The following MRPS22 variants were observed in gnomAD, a reference collection of about 807,000 sequenced individuals.
MRPS22 encodes mitochondrial ribosomal protein S22.
In MRPS22, 30 loss-of-function variants were observed where a neutral mutation model predicts 44.0. That is an observed-to-expected ratio of 0.68 (90% CI 0.51 to 0.93). The LOEUF (loss-of-function observed/expected upper bound fraction) is 0.93. Among genes scored for constraint, MRPS22 ranks in the 40% least tolerant of loss-of-function variants. The pLI is 0.00. For missense variants in MRPS22, 447 were observed against 447.8 expected (o/e 1.00, Z 0.02); for synonymous variants, 165 against 154.4 (o/e 1.07, Z -0.51).
chr3:139,346,817 T>C, intron 1 of MRPS22, 61 bp from the exon 2 acceptor site: 1 of 1,573,106 alleles, frequency 6.4e-7, no homozygotes, highest in Non-Finnish European at 8.7e-7. Flanking sequence ...GACTTTTCTA[T>C]TTAGAGGTCT....
intron 7 of MRPS22, among the ~76,000 whole-genome samples, 171 bp from the exon 8 acceptor site, chr3:139,356,748 A>C (rs893073230): frequency 2.7e-5 from 4 of 150,926 alleles, no homozygotes; most frequent in African/African-American, 9.7e-5. Context: ...TTTTCTGTCC[A>C]TGTGTGTTTA....
chr3:139,349,755 A>C (rs981150486), intron 3 of MRPS22, among the ~76,000 whole-genome samples: 1 of 152,210 alleles, frequency 6.6e-6, no homozygotes, highest in African/African-American at 2.4e-5. Context: ...AAGACTCCTC[A>C]TTCTTGGGTT....
intron 3 of MRPS22, chr3:139,349,145 A>G (rs1298641515): frequency 8.9e-6 from 3 of 335,906 alleles, no homozygotes; most frequent in Admixed American, 4.3e-5. Flanking sequence ...TTCAATTTTA[A>G]TTACAGTTTT....
chr3:139,354,386 T>C (rs1429424946), intron 6 of MRPS22, among the ~76,000 whole-genome samples: 2 of 152,232 alleles, frequency 1.3e-5, no homozygotes, highest in African/African-American at 2.4e-5. Context: ...GCCCTGAACA[T>C]ACCAACAGGT....
chr3:139,344,849 G>A (rs1010579779), intron 1 of MRPS22: 1 of 554,202 alleles, frequency 1.8e-6, no homozygotes. Flanking sequence ...TTAATTAATT[G>A]TTGGAACCGT....
At chr3:139,344,468 T>C in intron 1 of MRPS22, 1 of 612,198 alleles carries the variant, frequency 1.6e-6, no homozygotes, top group Non-Finnish European at 2.9e-6. Flanking sequence ...GACACAGACA[T>C]TTCCCTGTGG....
At chr3:139,356,669 A>G (rs1457906118) in intron 7 of MRPS22, among the ~76,000 whole-genome samples, 1 of 152,192 alleles carries the variant, frequency 6.6e-6, no homozygotes, top group Non-Finnish European at 1.5e-5. Context: ...TATTAATACA[A>G]TGTCAGGGTC....
chr3:139,351,107 AG>A (rs1941143523), intron 5 of MRPS22, 47 bp downstream of exon 5: 1 of 1,412,840 alleles, frequency 7.1e-7, no homozygotes, highest in African/African-American at 1.4e-5. Context: ...TATGGTTATG[AG>A]TAAGATTTTT....
intron 3 of MRPS22, chr3:139,348,569 A>T (rs1440192627): frequency 1.0e-5 from 5 of 499,134 alleles, no homozygotes; most frequent in Non-Finnish European, 1.8e-5. Context: ...GTGCTGAGGC[A>T]GAACAAGGAG....
rs1053387741 is a variant in MRPS22, at chr3:139,356,897, A to G, written c.988-22A>G. The G allele has an allele frequency of 3.2e-6, 5 of 1,567,786 alleles. No individual in the cohort carries two copies. In the African/African-American group the frequency reaches 6.8e-5, roughly 21 times the overall value. On this transcript the variant is annotated intron_variant, in intron 7 of 7. Coordinates refer to ENST00000680020, the MANE Select transcript of MRPS22 (RefSeq NM_020191.4). ...ATAGCATATGTCCTATTGTTTTAAA[A>G]TTTTCTTTTTAATTTAAACAGGTCT...
At chr3:139,344,734 C>G in intron 1 of MRPS22, 1 of 696,260 alleles carries the variant, frequency 1.4e-6, no homozygotes, top group Non-Finnish European at 2.6e-6. Context: ...ATTGATAAGG[C>G]TTGATTAAGG....
At chr3:139,350,013 T>C (rs983255192) in intron 3 of MRPS22, among the ~76,000 whole-genome samples, 166 bp from the exon 4 acceptor site, 1 of 152,242 alleles carries the variant, frequency 6.6e-6, no homozygotes, top group Non-Finnish European at 1.5e-5. Context: ...GAAGGAAATA[T>C]CAAACCTTGC....
At chr3:139,345,285 C>G (rs538355344) in intron 1 of MRPS22, among the ~76,000 whole-genome samples, 2 of 152,204 alleles carry the variant, frequency 1.3e-5, no homozygotes, top group East Asian at 1.9e-4. Flanking sequence ...TCTGGTTGCT[C>G]TGTGGAGAAT....
At chr3:139,356,290 A>C (rs1941260043) in intron 7 of MRPS22, among the ~76,000 whole-genome samples, 1 of 152,170 alleles carries the variant, frequency 6.6e-6, no homozygotes, top group East Asian at 1.9e-4. Context: ...ACCTCTCAAA[A>C]CCATGGGCTT....
rs902901912 is a variant in MRPS22 at position 139,353,713 on chromosome 3, A to G, written c.878+921A>G. ...TCCTAATGATGATGATTTCCAGGCT[A>G]GCCCATTTCACCAGCATATGTAGTG... On this transcript the variant is annotated intron_variant, in intron 6 of 7. Coordinates refer to ENST00000680020, the MANE Select transcript of MRPS22 (RefSeq NM_020191.4). Among the ~76,000 whole-genome samples the G allele has an allele frequency of 3.3e-5, 5 of 152,230 alleles. 1 individual carries two copies. Among genetic ancestry groups the G allele is most frequent in the Admixed American group, 1.3e-4 (2 of 15,290 alleles).
At chr3:139,349,716 A>C (rs1941110684) in intron 3 of MRPS22, among the ~76,000 whole-genome samples, 1 of 152,206 alleles carries the variant, frequency 6.6e-6, no homozygotes, top group African/African-American at 2.4e-5. Flanking sequence ...GTCTAATGCC[A>C]ATATAAGAAA....
chr3:139,346,330 C>T lies in MRPS22; in HGVS notation c.173-548C>T, dbSNP rs545157760. Among the ~76,000 whole-genome samples the T allele has an allele frequency of 8.2e-4, 125 of 152,314 alleles. 1 individual carries two copies. Among genetic ancestry groups the T allele is most frequent in the Admixed American group, 3.6e-3 (55 of 15,304 alleles). On this transcript the variant is annotated intron_variant, in intron 1 of 7. Coordinates refer to ENST00000680020, the MANE Select transcript of MRPS22 (RefSeq NM_020191.4). ...CAATCACCCAAGCCCCGTACCTCTCCTGTATACCATACCTCTCACATTATG... is the reference window on the plus strand; with the variant it reads ...CAATCACCCAAGCCCCGTACCTCTCTTGTATACCATACCTCTCACATTATG...
intron 1 of MRPS22, among the ~76,000 whole-genome samples, chr3:139,345,837 G>A (rs1408600639): frequency 6.6e-6 from 1 of 152,132 alleles, no homozygotes; most frequent in Non-Finnish European, 1.5e-5. Flanking sequence ...GATGGAAGGT[G>A]ATCTTGGCAG....
intron 2 of MRPS22, among the ~76,000 whole-genome samples, 190 bp downstream of exon 2, chr3:139,347,234 C>T (rs1349824335): frequency 6.6e-6 from 1 of 152,148 alleles, no homozygotes; most frequent in African/African-American, 2.4e-5. Context: ...TGGAATTGAG[C>T]AGACTAGGGC....
Sources: allele counts gnomAD v4.1 joint callset (sites outside exome capture counted in the v4.1 genomes callset), GRCh38; gene constraint gnomAD v4.1.1; transcripts MANE v1.5; gene names NCBI Gene and HGNC (gene_info 2026-07-23, HGNC 2026-07-21).